MOXD1: variants seen among roughly 807,000 people sequenced by gnomAD.
The protein encoded by MOXD1 is monooxygenase DBH like 1.
A neutral mutation model predicts 66.6 loss-of-function variants in MOXD1; 62 were observed. The ratio of observed to expected loss-of-function variants is 0.93; its 90% CI spans 0.76 to 1.15. The LOEUF is 1.15. Among genes scored for constraint, MOXD1 ranks in the 50% most tolerant of loss-of-function variants. The probability of loss-of-function intolerance (pLI) is 0.00; values close to 1 mark genes in which losing one functional copy is unlikely to be tolerated. For missense variants in MOXD1, 847 were observed against 754.6 expected (o/e 1.12, Z -1.44); for synonymous variants, 303 against 281.9 (o/e 1.07, Z -0.75).
chr6:132,384,247 TTCCTTCCTTCCTTCCTTCC>T (rs1776572443), intron 1 of MOXD1, among the ~76,000 whole-genome samples: 1 of 8,290 alleles, frequency 1.2e-4, no homozygotes, highest in African/African-American at 4.5e-4. Flanking sequence ...CCTCTCTTCC[TTCCTTCCTTCCTTCCTTCC>T]TTCCTTCCTT....
rs751439225 is a variant in MOXD1, at chr6:132,328,052, G to A, written c.907C>T (p.Leu303Phe). 6.2e-7 allele frequency: 1 copy of A among 1,613,654 alleles called. No individual in the cohort carries two copies. Among genetic ancestry groups the A allele is most frequent in the Middle Eastern group, 1.6e-4 (1 of 6,084 alleles). Residue 303 changes from leucine (L) to phenylalanine (F), a missense_variant, in exon 6 of 12, where the codon CTC becomes TTC. Physicochemically the swap from Leu to Phe is conservative, Grantham distance 22 (BLOSUM62 0). Coordinates refer to ENST00000367963, the MANE Select transcript of MOXD1 (RefSeq NM_015529.4). ...GGATTATCATAATGGACTTCTAGGA[G>A]CACATAATGCGGATCTAATGGAGTG... Reference protein sequence around the residue: ...LGTPLDPHYVLLEVHYDNPTY... With the variant: ...LGTPLDPHYVFLEVHYDNPTY...
intron 4 of MOXD1, among the ~76,000 whole-genome samples, chr6:132,345,826 T>C (rs908703966): frequency 9.9e-5 from 15 of 152,116 alleles, no homozygotes; most frequent in Admixed American, 8.5e-4. Context: ...TTTTTTTTTC[T>C]TTAACCTAAA....
intron 4 of MOXD1, among the ~76,000 whole-genome samples, chr6:132,365,766 A>G (rs1387229079): frequency 6.6e-6 from 1 of 152,190 alleles, no homozygotes; most frequent in African/African-American, 2.4e-5. Context: ...TGAACTTTAC[A>G]ACATTGAACA....
intron 1 of MOXD1, among the ~76,000 whole-genome samples, chr6:132,378,210 T>C (rs1177427797): frequency 6.6e-6 from 1 of 152,156 alleles, no homozygotes; most frequent in Non-Finnish European, 1.5e-5. Flanking sequence ...TTGACTATAA[T>C]ACACCTTAGC....
chr6:132,324,560 T>C (rs1032878604), intron 6 of MOXD1, among the ~76,000 whole-genome samples: 2 of 152,206 alleles, frequency 1.3e-5, no homozygotes, highest in African/African-American at 4.8e-5. Flanking sequence ...AAAAAACTAC[T>C]AAAGATTCAC....
At chr6:132,316,216 T>C (rs1179099672) in intron 9 of MOXD1, among the ~76,000 whole-genome samples, 1 of 152,116 alleles carries the variant, frequency 6.6e-6, no homozygotes, top group Middle Eastern at 3.2e-3. Flanking sequence ...TAGTTAATTA[T>C]CTACTAAAAT....
At chr6:132,297,509 G>A (rs976215792) in intron 11 of MOXD1, among the ~76,000 whole-genome samples, 192 bp from the exon 12 acceptor site, 4 of 152,062 alleles carry the variant, frequency 2.6e-5, no homozygotes, top group Non-Finnish European at 4.4e-5. Flanking sequence ...CACTCCTTTG[G>A]AAAAGAATAC....
chr6:132,297,241 G>GAGGAAT lies in MOXD1; in HGVS notation c.1753_1754insATTCCT (p.Ser584_Ser585insTyrSer). On this transcript the variant is annotated inframe_insertion, in exon 12 of 12. Coordinates refer to ENST00000367963, the MANE Select transcript of MOXD1 (RefSeq NM_015529.4). The stretch of plus-strand genomic sequence containing the variant: ...GAAATCTCTGTGCAGGGAAGAGGAA[G>GAGGAAT]AAGACGTGCCACACACCAAAGGTTC... The GAGGAAT allele has an allele frequency of 6.2e-7, 1 of 1,613,730 alleles. No individual in the cohort carries two copies.
chr6:132,312,616 T>A (rs1774855075), intron 10 of MOXD1, among the ~76,000 whole-genome samples: 1 of 151,054 alleles, frequency 6.6e-6, no homozygotes, highest in Non-Finnish European at 1.5e-5. Context: ...TTTTCTTTTT[T>A]CTTTTTTTTG....
chr6:132,391,996 G>C (rs1260899014), intron 1 of MOXD1: 2 of 558,314 alleles, frequency 3.6e-6, no homozygotes, highest in Admixed American at 3.7e-5. Context: ...CTGGAAATTG[G>C]GGGGCATAAT....
chr6:132,344,639 C>T (rs1775633606), intron 4 of MOXD1, among the ~76,000 whole-genome samples: 1 of 152,180 alleles, frequency 6.6e-6, no homozygotes, highest in Non-Finnish European at 1.5e-5. Flanking sequence ...ACATATCTAC[C>T]CTTCCCTAAT....
intron 4 of MOXD1, among the ~76,000 whole-genome samples, chr6:132,348,389 G>A (rs953215346): frequency 6.6e-6 from 1 of 152,090 alleles, no homozygotes; most frequent in Non-Finnish European, 1.5e-5. Flanking sequence ...GTTCCCACTG[G>A]GTACTCAAAT....
At chr6:132,314,116 A>G (rs1046095604) in intron 10 of MOXD1, among the ~76,000 whole-genome samples, 1 of 152,126 alleles carries the variant, frequency 6.6e-6, no homozygotes, top group African/African-American at 2.4e-5. Context: ...AGATACATCA[A>G]CCTTAATATA....
At chr6:132,310,831 C>T (rs549075453) in intron 10 of MOXD1, among the ~76,000 whole-genome samples, 4 of 152,054 alleles carry the variant, frequency 2.6e-5, no homozygotes, top group African/African-American at 7.2e-5. Flanking sequence ...GAGCAACACA[C>T]ACCAGGGCCT....
rs1243480467 is a variant in MOXD1 at position 132,374,856 on chromosome 6, G to C, written c.265-79C>G. ...AATTCATAGGACCTTTAAAGACAAA[G>C]TCTTGTTGTCTAGAGTTATTTTATA... On this transcript the variant is annotated intron_variant, in intron 1 of 11. Transcript: ENST00000367963. 4 of 1,336,990 alleles carry C rather than the reference G, an allele frequency of 3.0e-6. No individual in the cohort carries two copies. The South Asian group carries it at 5.0e-5, about 17-fold the overall frequency. 82.8% of individuals were successfully genotyped at this position (1,336,990 alleles called of 1,614,324 possible). A position where few individuals can be genotyped will look rare whatever the true frequency, so the allele number is the denominator to read the frequency against.
intron 6 of MOXD1, among the ~76,000 whole-genome samples, chr6:132,326,733 G>GACTCCACT (rs1775196007): frequency 1.3e-5 from 2 of 152,062 alleles, no homozygotes; most frequent in Admixed American, 1.3e-4. Flanking sequence ...GGATATAATT[G>GACTCCACT]GTGGGTGGAA....
chr6:132,320,658 T>A lies in MOXD1; in HGVS notation c.1336A>T (p.Asn446Tyr). 2.5e-6 allele frequency: 4 copies of A among 1,611,222 alleles called. No homozygotes were observed. In the South Asian group the frequency reaches 4.4e-5, roughly 18 times the overall value. Reference sequence around the variant, plus strand: ...GTCATCTCAGCTCTATCTTTCGTGTTGTAGCGACACTCAGTAATTAGGTTA... The same window carrying A: ...GTCATCTCAGCTCTATCTTTCGTGTAGTAGCGACACTCAGTAATTAGGTTA... ...GDNLITECRY[N>Y]TKDRAEMTWG... Residue 446 changes from asparagine (N) to tyrosine (Y), a missense_variant, in exon 9 of 12, where the codon AAC (asparagine) becomes TAC (tyrosine). Asn to Tyr is a moderately radical substitution (Grantham distance 143). Transcript: ENST00000367963.
chr6:132,313,366 T>C (rs1364560052), intron 10 of MOXD1, among the ~76,000 whole-genome samples: 2 of 152,226 alleles, frequency 1.3e-5, no homozygotes, highest in Non-Finnish European at 2.9e-5. Context: ...ATGTAAGCAT[T>C]TTGTTATTTG....
intron 4 of MOXD1, among the ~76,000 whole-genome samples, chr6:132,367,142 C>G (rs73780060): frequency 0.046 from 7,002 of 152,058 alleles, 512 homozygotes; most frequent in African/African-American, 0.15. Flanking sequence ...TTCTCCAAAG[C>G]TGAAAATTTT....
Sources: gnomAD v4.1 joint callset for allele counts (sites outside exome capture counted in the v4.1 genomes callset) on GRCh38, gnomAD v4.1.1 for gene constraint, MANE v1.5 for transcripts, NCBI Gene and HGNC (gene_info 2026-07-23, HGNC 2026-07-21) for gene names.